CHLSN: variants seen among roughly 807,000 people sequenced by gnomAD.
CHLSN encodes the protein cholesin.
the CHLSN span, chr7:984,985 GC>G: frequency 6.2e-7 from 1 of 1,608,936 alleles, no homozygotes. Context: ...CTGGAGGGCT[GC>G]CCGCCAGTTC....
chr7:985,614 C>T, the CHLSN span, among the ~76,000 whole-genome samples: 1 of 152,166 alleles, frequency 6.6e-6, no homozygotes, highest in African/African-American at 2.4e-5. Flanking sequence ...GCATGGCTTC[C>T]CCAGAATTGC....
At chr7:1,030,921 C>T in the CHLSN span, among the ~76,000 whole-genome samples, 1 of 152,216 alleles carries the variant, frequency 6.6e-6, no homozygotes, top group Non-Finnish European at 1.5e-5. Context: ...CATCCAACCA[C>T]CTCCACAAAC....
chr7:1,092,331 C>T, the CHLSN span: 7 of 1,611,118 alleles, frequency 4.3e-6, no homozygotes, highest in African/African-American at 2.7e-5. Flanking sequence ...TGCAGCACAC[C>T]GACGAGGCCT....
chr7:988,873 GTCCTCCCACCCTCTC>G, the CHLSN span: 33 of 1,205,946 alleles, frequency 2.7e-5, no homozygotes, highest in African/African-American at 2.9e-4. Context: ...CCAGCCCTGG[GTCCTCCCACCCTCTC>G]TCCTCCCACC....
the CHLSN span, among the ~76,000 whole-genome samples, chr7:1,049,399 T>C: frequency 6.6e-6 from 1 of 152,184 alleles, no homozygotes; most frequent in African/African-American, 2.4e-5. Context: ...TCCTGTCTCA[T>C]GAAGATTTTT....
the CHLSN span, chr7:1,009,944 G>T: frequency 1.3e-6 from 2 of 1,540,690 alleles, no homozygotes; most frequent in Non-Finnish European, 1.7e-6. Context: ...GGGCAGGGCC[G>T]CTCACCTGCA....
the CHLSN span, among the ~76,000 whole-genome samples, chr7:1,103,943 C>T: frequency 7.1e-4 from 108 of 152,334 alleles, no homozygotes; most frequent in African/African-American, 2.5e-3. Flanking sequence ...GAACGGCCCA[C>T]AGCAGCGCTG....
the CHLSN span, among the ~76,000 whole-genome samples, chr7:1,070,634 C>T: frequency 4.0e-5 from 6 of 148,578 alleles, no homozygotes; most frequent in Non-Finnish European, 9.0e-5. Context: ...ACACAACACG[C>T]ACACGGACAC....
chr7:1,063,317 T>C, the CHLSN span, among the ~76,000 whole-genome samples: 1 of 152,162 alleles, frequency 6.6e-6, no homozygotes, highest in Admixed American at 6.5e-5. Context: ...TCTGGCAACA[T>C]AAGCAAGCCC....
chr7:1,016,591 CCA>C, the CHLSN span, among the ~76,000 whole-genome samples: 1 of 101,222 alleles, frequency 9.9e-6, no homozygotes, highest in African/African-American at 4.4e-5. Context: ...GCACACAGCA[CCA>C]CACAGCAGCG....
the CHLSN span, chr7:1,021,463 G>C: frequency 1.0e-6 from 1 of 985,490 alleles, no homozygotes; most frequent in Non-Finnish European, 1.2e-6. Flanking sequence ...CTGATCGGCA[G>C]TGGTGGCCAC....
chr7:1,053,910 ACT>A, the CHLSN span, among the ~76,000 whole-genome samples: 3 of 152,066 alleles, frequency 2.0e-5, no homozygotes, highest in Non-Finnish European at 4.4e-5. Flanking sequence ...CAGGCAGGAG[ACT>A]CTCAAACCAG....
At chr7:989,291 T>C in the CHLSN span, 1 of 165,322 alleles carries the variant, frequency 6.0e-6, no homozygotes, top group Non-Finnish European at 1.3e-5. Flanking sequence ...CCTGGAACAC[T>C]TCCTGCAGCT....
At chr7:1,024,438 G>T in the CHLSN span, 4 of 152,236 alleles carry the variant, frequency 2.6e-5, no homozygotes, top group Non-Finnish European at 5.9e-5. Flanking sequence ...CAGGAGAGAC[G>T]CAGGAGCCCC....
the CHLSN span, among the ~76,000 whole-genome samples, chr7:1,000,812 C>T: frequency 1.3e-5 from 2 of 152,234 alleles, no homozygotes; most frequent in African/African-American, 4.8e-5. Flanking sequence ...CACCACTGAC[C>T]CCAAGTCCCC....
the CHLSN span, among the ~76,000 whole-genome samples, chr7:1,002,387 T>C: frequency 5.1e-5 from 4 of 78,322 alleles, no homozygotes; most frequent in South Asian, 5.1e-4. Flanking sequence ...GGGTGGGGAG[T>C]CCTGTGGGTG....
chr7:978,555 C>A, the CHLSN span, among the ~76,000 whole-genome samples: 1 of 152,178 alleles, frequency 6.6e-6, no homozygotes, highest in Non-Finnish European at 1.5e-5. Flanking sequence ...GGGAACGAAC[C>A]TTGTTTGAGC....
the CHLSN span, among the ~76,000 whole-genome samples, chr7:1,027,689 T>G: frequency 1.3e-5 from 2 of 152,246 alleles, no homozygotes; most frequent in African/African-American, 2.4e-5. Flanking sequence ...ACCGCGCCAG[T>G]GGGGGCCGCC....
chr7:1,030,604 C>T, the CHLSN span, among the ~76,000 whole-genome samples: 1 of 152,230 alleles, frequency 6.6e-6, no homozygotes, highest in African/African-American at 2.4e-5. Context: ...CTTCCTAGGT[C>T]CTGCCCAGTG....
Sources: allele counts gnomAD v4.1 joint callset (sites outside exome capture counted in the v4.1 genomes callset), GRCh38; gene constraint gnomAD v4.1.1; transcripts MANE v1.5; gene names NCBI Gene and HGNC (gene_info 2026-07-23, HGNC 2026-07-21).